The following GLIS3 variants were observed in gnomAD, a reference collection of about 807,000 sequenced individuals.
GLIS3 encodes the protein zinc finger protein GLIS3.
A neutral mutation model predicts 78.6 loss-of-function variants in GLIS3; 53 were observed. The ratio of observed to expected loss-of-function variants is 0.67; its 90% CI spans 0.54 to 0.85. The LOEUF is 0.85. Ranked by LOEUF, GLIS3 falls within the 40% of genes least tolerant of loss-of-function variation. The probability of loss-of-function intolerance (pLI) is 0.00; values close to 1 mark genes in which losing one functional copy is unlikely to be tolerated. For missense variants in GLIS3, 1,703 were observed against 1,231.1 expected (o/e 1.38, Z -5.74); for synonymous variants, 684 against 509.9 (o/e 1.34, Z -4.60).
intron 2 of GLIS3, among the ~76,000 whole-genome samples, chr9:4,244,410 G>C (rs1347344411): frequency 6.6e-6 from 1 of 152,148 alleles, no homozygotes; most frequent in Non-Finnish European, 1.5e-5. Context: ...TATGCTGTTA[G>C]TATTTACATA....
intron 4 of GLIS3, among the ~76,000 whole-genome samples, chr9:4,079,000 T>C (rs1828318707): frequency 1.3e-5 from 2 of 152,160 alleles, no homozygotes. Context: ...GCCTTCCTTC[T>C]TTAGGAAACT....
chr9:4,051,387 G>A (rs11791472), intron 4 of GLIS3, among the ~76,000 whole-genome samples: 46,168 of 152,052 alleles, frequency 0.3, 7,324 homozygotes, highest in East Asian at 0.39. Flanking sequence ...GACTGCTGGA[G>A]ATTGCTATAG....
chr9:4,445,195 G>A, the GLIS3 span, among the ~76,000 whole-genome samples: 1 of 152,142 alleles, frequency 6.6e-6, no homozygotes, highest in Non-Finnish European at 1.5e-5. Flanking sequence ...GGTCAATCAG[G>A]AACATACTAT....
At chr9:4,455,607 G>A in the GLIS3 span, among the ~76,000 whole-genome samples, 4,103 of 152,136 alleles carry the variant, frequency 0.027, 194 homozygotes, top group African/African-American at 0.093. Context: ...GATTTCTCCA[G>A]TCGCTTATGC....
At chr9:4,175,387 G>A (rs1586882349) in intron 2 of GLIS3, among the ~76,000 whole-genome samples, 2 of 152,190 alleles carry the variant, frequency 1.3e-5, no homozygotes, top group South Asian at 4.1e-4. Flanking sequence ...GAAAAGAAAT[G>A]TCTCCTTCTC....
intron 2 of GLIS3, among the ~76,000 whole-genome samples, chr9:4,175,261 A>G (rs1162127424): frequency 1.3e-5 from 2 of 152,212 alleles, no homozygotes; most frequent in Admixed American, 6.5e-5. Context: ...ATCTGTTGAT[A>G]ATGTTATTTT....
chr9:4,261,957 G>T (rs925814551), intron 2 of GLIS3, among the ~76,000 whole-genome samples: 2 of 152,202 alleles, frequency 1.3e-5, no homozygotes, highest in African/African-American at 4.8e-5. Context: ...GATGCAGGGG[G>T]TCCCCATGAT....
chr9:4,006,955 C>G (rs528396880), intron 4 of GLIS3, among the ~76,000 whole-genome samples: 1 of 152,246 alleles, frequency 6.6e-6, no homozygotes, highest in East Asian at 1.9e-4. Context: ...AGATTACAGC[C>G]AAGGCACAAT....
At chr9:3,876,229 C>T (rs968504363) in intron 8 of GLIS3, among the ~76,000 whole-genome samples, 4 of 151,960 alleles carry the variant, frequency 2.6e-5, no homozygotes, top group African/African-American at 4.8e-5. Flanking sequence ...ATAAATGTCC[C>T]GAGTTCTTCA....
chr9:4,080,432 CA>C (rs374772903), intron 4 of GLIS3, among the ~76,000 whole-genome samples: 4 of 151,804 alleles, frequency 2.6e-5, no homozygotes, highest in Admixed American at 1.3e-4. Context: ...AACATTAGTA[CA>C]AAAAAATGCA....
chr9:3,954,458 T>C (rs1025368656), intron 4 of GLIS3, among the ~76,000 whole-genome samples: 1 of 152,236 alleles, frequency 6.6e-6, no homozygotes, highest in Non-Finnish European at 1.5e-5. Flanking sequence ...TGCCCCGTGG[T>C]TAAAGAGAAA....
intron 2 of GLIS3, among the ~76,000 whole-genome samples, chr9:4,340,537 T>G (rs6476849): frequency 0.99 from 150,000 of 152,212 alleles, 73,944 homozygotes; most frequent in Middle Eastern, 1. Context: ...GGGTCTAGGG[T>G]TAAGCTTCTG....
chr9:4,275,531 G>A (rs953769583), intron 2 of GLIS3, among the ~76,000 whole-genome samples: 1 of 151,464 alleles, frequency 6.6e-6, no homozygotes, highest in Non-Finnish European at 1.5e-5. Flanking sequence ...AGGCCGAGGT[G>A]GAAGGATCGT....
At chr9:4,045,717 T>G (rs924821850) in intron 4 of GLIS3, among the ~76,000 whole-genome samples, 1 of 152,080 alleles carries the variant, frequency 6.6e-6, no homozygotes, top group African/African-American at 2.4e-5. Flanking sequence ...CTGGAAAGAA[T>G]CAGACAAGAG....
chr9:4,405,581 TAA>T, the GLIS3 span, among the ~76,000 whole-genome samples: 1 of 151,994 alleles, frequency 6.6e-6, no homozygotes, highest in Non-Finnish European at 1.5e-5. Flanking sequence ...GAGGCTGTAA[TAA>T]AAAGTCTCCT....
At chr9:3,877,252 T>A (rs7030982) in intron 8 of GLIS3, among the ~76,000 whole-genome samples, 3,096 of 152,110 alleles carry the variant, frequency 0.02, 84 homozygotes, top group African/African-American at 0.064. Context: ...TGCATTTTTT[T>A]AAAAAAATCT....
At chr9:4,106,003 C>A (rs1830722504) in intron 4 of GLIS3, among the ~76,000 whole-genome samples, 1 of 152,164 alleles carries the variant, frequency 6.6e-6, no homozygotes, top group African/African-American at 2.4e-5. Context: ...GCCGCAAGAA[C>A]CTGAATACTT....
At chr9:4,386,911 C>T in the GLIS3 span, among the ~76,000 whole-genome samples, 46 of 152,116 alleles carry the variant, frequency 3.0e-4, no homozygotes, top group African/African-American at 1.1e-3. Flanking sequence ...TTTTCTGTAA[C>T]TGCTTCATGC....
intron 4 of GLIS3, among the ~76,000 whole-genome samples, chr9:4,050,416 G>GAA (rs1211306118): frequency 9.2e-5 from 14 of 152,170 alleles, no homozygotes; most frequent in African/African-American, 3.4e-4. Context: ...TTGTACACAG[G>GAA]GCGGGGAACA....
Sources: allele counts gnomAD v4.1 joint callset (sites outside exome capture counted in the v4.1 genomes callset), GRCh38; gene constraint gnomAD v4.1.1; transcripts MANE v1.5; gene names NCBI Gene and HGNC (gene_info 2026-07-23, HGNC 2026-07-21).